Variants in PCDH15 observed in about 807,000 individuals in gnomAD.
PCDH15 encodes the protein protocadherin-15.
Under a neutral mutation model 178.5 loss-of-function variants are expected in PCDH15, and 129 were observed. The ratio of observed to expected loss-of-function variants is 0.72; its 90% CI spans 0.63 to 0.84. The LOEUF (loss-of-function observed/expected upper bound fraction) is 0.84. Ranked by LOEUF, PCDH15 falls within the 40% of genes least tolerant of loss-of-function variation. The pLI is 0.00. For synonymous variants in PCDH15, 800 were observed against 732.0 expected (o/e 1.09, Z -1.50); for missense variants, 2,230 against 2,099.9 (o/e 1.06, Z -1.21).
intron 8 of PCDH15, among the ~76,000 whole-genome samples, chr10:54,265,177 A>G (rs570030262): frequency 6.6e-6 from 1 of 152,274 alleles, no homozygotes; most frequent in East Asian, 1.9e-4. Flanking sequence ...TTCATAAACG[A>G]AAGAGAAATG....
At chr10:54,395,058 C>A (rs1223594894) in intron 3 of PCDH15, among the ~76,000 whole-genome samples, 1 of 152,002 alleles carries the variant, frequency 6.6e-6, no homozygotes, top group Non-Finnish European at 1.5e-5. Context: ...ACAATTTGTG[C>A]AGTTAATGCA....
At chr10:54,546,199 T>C (rs2085835268) in intron 2 of PCDH15, among the ~76,000 whole-genome samples, 1 of 152,228 alleles carries the variant, frequency 6.6e-6, no homozygotes, top group African/African-American at 2.4e-5. Flanking sequence ...CTAGACCACA[T>C]TAGTAAATTC....
At chr10:54,097,863 G>T (rs1339612068) in intron 15 of PCDH15, among the ~76,000 whole-genome samples, 1 of 152,134 alleles carries the variant, frequency 6.6e-6, no homozygotes, top group Non-Finnish European at 1.5e-5. Flanking sequence ...GGAGGGGAGG[G>T]CATGGGACAT....
At chr10:54,782,368 C>T (rs960214363) in intron 1 of PCDH15, among the ~76,000 whole-genome samples, 1 of 151,962 alleles carries the variant, frequency 6.6e-6, no homozygotes, top group Non-Finnish European at 1.5e-5. Flanking sequence ...GCTAATAATG[C>T]CTATGTAAGT....
At chr10:53,996,161 TTA>T (rs148410052) in intron 20 of PCDH15, among the ~76,000 whole-genome samples, 2,707 of 151,940 alleles carry the variant, frequency 0.018, 75 homozygotes, top group African/African-American at 0.061. Flanking sequence ...TAAATGCTCT[TTA>T]TATGTTTTTA....
chr10:54,577,852 G>A (rs1937418), intron 2 of PCDH15, among the ~76,000 whole-genome samples: 509 of 11,506 alleles, frequency 0.044, 13 homozygotes, highest in Non-Finnish European at 0.062. Context: ...CTAAATAAAT[G>A]AATAAATAAA....
At chr10:54,701,956 C>G (rs1169083367) in intron 1 of PCDH15, among the ~76,000 whole-genome samples, 4 of 151,936 alleles carry the variant, frequency 2.6e-5, no homozygotes, top group African/African-American at 9.7e-5. Flanking sequence ...CCAAATGGAC[C>G]TAACAGACAT....
chr10:54,639,580 G>C (rs2134913011), intron 2 of PCDH15, among the ~76,000 whole-genome samples: 1 of 152,140 alleles, frequency 6.6e-6, no homozygotes, highest in South Asian at 2.1e-4. Context: ...AAATGATAAG[G>C]CAATAGAACA....
intron 1 of PCDH15, among the ~76,000 whole-genome samples, chr10:55,201,540 T>G (rs1840248122): frequency 6.6e-6 from 1 of 152,182 alleles, no homozygotes; most frequent in Admixed American, 6.5e-5. Flanking sequence ...ATGTAGAATT[T>G]AAGGTCTTCC....
At chr10:54,947,009 T>C (rs1304961623) in intron 2 of PCDH15, among the ~76,000 whole-genome samples, 1 of 151,948 alleles carries the variant, frequency 6.6e-6, no homozygotes, top group African/African-American at 2.4e-5. Context: ...AACAAAATGT[T>C]AATTTAATGA....
At chr10:54,718,631 T>C (rs2095509424) in intron 1 of PCDH15, among the ~76,000 whole-genome samples, 1 of 148,400 alleles carries the variant, frequency 6.7e-6, no homozygotes, top group African/African-American at 2.5e-5. Flanking sequence ...GAGAAACAAC[T>C]ATGAAAGTAT....
intron 9 of PCDH15, among the ~76,000 whole-genome samples, chr10:54,228,848 C>G (rs2053750226): frequency 6.6e-6 from 1 of 152,126 alleles, no homozygotes; most frequent in Non-Finnish European, 1.5e-5. Context: ...TAGACAGACC[C>G]AGAAATAATG....
At chr10:55,096,079 T>C (rs1162196957) in intron 2 of PCDH15, among the ~76,000 whole-genome samples, 1 of 152,066 alleles carries the variant, frequency 6.6e-6, no homozygotes, top group East Asian at 1.9e-4. Flanking sequence ...GATTATTTGA[T>C]TGGAAACAAA....
chr10:54,592,814 T>C (rs1306045637), intron 2 of PCDH15, among the ~76,000 whole-genome samples: 1 of 152,176 alleles, frequency 6.6e-6, no homozygotes, highest in Non-Finnish European at 1.5e-5. Context: ...CATCAATATG[T>C]CTTCCTTTTT....
intron 1 of PCDH15, among the ~76,000 whole-genome samples, chr10:55,242,684 A>C (rs1047363802): frequency 6.7e-6 from 1 of 148,720 alleles, no homozygotes; most frequent in South Asian, 2.1e-4. Flanking sequence ...TCTACAAAAA[A>C]TACAAAAGAA....
chr10:54,082,401 GAAT>G (rs2094448659), intron 16 of PCDH15, among the ~76,000 whole-genome samples: 1 of 152,054 alleles, frequency 6.6e-6, no homozygotes, highest in African/African-American at 2.4e-5. Context: ...GGGGAATACA[GAAT>G]AATAAATATA....
intron 2 of PCDH15, among the ~76,000 whole-genome samples, chr10:55,578,998 T>C (rs1398914825): frequency 6.6e-6 from 1 of 152,180 alleles, no homozygotes; most frequent in Non-Finnish European, 1.5e-5. Flanking sequence ...ACCTTATCAA[T>C]GTGAAAATAG....
In PCDH15 at chr10:53,822,451, GAGGAGAAGGAGGAGAAAT is replaced by G. The variant is rs369404101; in HGVS notation, c.4368-2239_4368-2222del. The G allele has an allele frequency of 2.1e-5, 33 of 1,597,208 alleles. No individual in the cohort carries two copies. In the East Asian group the frequency reaches 2.1e-4, roughly 10 times the overall value. On this transcript the variant is annotated intron_variant, in intron 32 of 37. Coordinates refer to ENST00000644397, the MANE Select transcript of PCDH15 (RefSeq NM_001384140.1). The stretch of plus-strand genomic sequence containing the variant: ...GGAGCAAGAGGAGCAGGAGCAGGAG[GAGGAGAAGGAGGAGAAAT>G]AGGAGGAGGAGGGGGAAGGGGACAG...
intron 2 of PCDH15, among the ~76,000 whole-genome samples, chr10:55,139,470 A>C (rs1288707206): frequency 6.6e-6 from 1 of 152,060 alleles, no homozygotes; most frequent in Non-Finnish European, 1.5e-5. Context: ...ATGAGGTATG[A>C]GACCTAGTTT....
Sources: allele counts gnomAD v4.1 joint callset (sites outside exome capture counted in the v4.1 genomes callset), GRCh38; gene constraint gnomAD v4.1.1; transcripts MANE v1.5; gene names NCBI Gene and HGNC (gene_info 2026-07-23, HGNC 2026-07-21).